The following NKAIN2 variants were observed in gnomAD, a reference collection of about 807,000 sequenced individuals.
NKAIN2 encodes sodium/potassium transporting ATPase interacting 2.
A neutral mutation model predicts 32.6 loss-of-function variants in NKAIN2; 14 were observed. The observed-to-expected ratio is 0.43, with a 90% confidence interval of 0.28 to 0.67. The LOEUF (loss-of-function observed/expected upper bound fraction) is 0.67, where lower values mean the gene tolerates loss of function less well. Ranked by LOEUF, NKAIN2 falls within the 30% of genes least tolerant of loss-of-function variation. NKAIN2 has a pLI of 0.17. For missense variants in NKAIN2, 198 were observed against 258.3 expected (o/e 0.77, Z 1.60); for synonymous variants, 80 against 87.2 (o/e 0.92, Z 0.46).
chr6:124,822,993 G>A (rs1781453358), intron 6 of NKAIN2, among the ~76,000 whole-genome samples: 1 of 152,092 alleles, frequency 6.6e-6, no homozygotes, highest in Admixed American at 6.6e-5. Context: ...ATTCATTTCA[G>A]TTGTCCCTGG....
chr6:124,498,674 T>C (rs1285307552), intron 3 of NKAIN2, among the ~76,000 whole-genome samples: 2 of 152,180 alleles, frequency 1.3e-5, no homozygotes, highest in African/African-American at 4.8e-5. Context: ...AAAATGTGTC[T>C]TCTTGGTGAA....
chr6:124,449,742 G>T (rs9385335), intron 3 of NKAIN2, among the ~76,000 whole-genome samples: 102,929 of 151,944 alleles, frequency 0.68, 37,578 homozygotes, highest in South Asian at 0.81. Flanking sequence ...ATAAAGTTTT[G>T]TTGAAGGCAT....
Position 124,824,772 on chromosome 6 carries a change from T to G in NKAIN2, c.*1543T>G, listed in dbSNP as rs552356806. 1.3e-5 allele frequency: 2 copies of G among 152,196 alleles called. No homozygotes were observed. The highest frequency in any genetic ancestry group is 3.8e-4 in the East Asian group (2 of 5,200). The allele number at this position is 152,196 out of a possible 1,614,324, so 9.4% of individuals were successfully genotyped here. On this transcript the variant is annotated 3_prime_UTR_variant, in exon 7 of 7. Coordinates refer to ENST00000368417, the MANE Select transcript of NKAIN2 (RefSeq NM_001040214.3). ...GCATGGAGCAAGTTTTTTCTTTGATTTCTATGAAGTTTCAGTTATTGGATT... is the reference window on the plus strand; with the variant it reads ...GCATGGAGCAAGTTTTTTCTTTGATGTCTATGAAGTTTCAGTTATTGGATT...
intron 1 of NKAIN2, among the ~76,000 whole-genome samples, chr6:123,904,627 G>A (rs898353149): frequency 6.6e-6 from 1 of 152,220 alleles, no homozygotes; most frequent in Admixed American, 6.5e-5. Context: ...GGGGAAGGGG[G>A]TGAGAAAGAT....
chr6:124,821,179 C>T (rs1399333778), intron 6 of NKAIN2, among the ~76,000 whole-genome samples: 6 of 151,834 alleles, frequency 4.0e-5, no homozygotes, highest in Non-Finnish European at 5.9e-5. Context: ...CCTGTAATCC[C>T]AGTTACTCGG....
At chr6:124,726,901 G>A (rs1223887700) in intron 4 of NKAIN2, among the ~76,000 whole-genome samples, 2 of 121,472 alleles carry the variant, frequency 1.6e-5, no homozygotes, top group South Asian at 3.0e-4. Context: ...CGAGAACTAC[G>A]TGAAGAATGC....
chr6:124,169,659 T>G (rs377278134), intron 1 of NKAIN2, among the ~76,000 whole-genome samples: 1 of 152,188 alleles, frequency 6.6e-6, no homozygotes, highest in African/African-American at 2.4e-5. Flanking sequence ...TCCTTTCCTT[T>G]CTGAGCCATG....
In NKAIN2 at chr6:124,530,667, C is replaced by T. The variant is rs1482191707; in HGVS notation, c.274-127519C>T. On this transcript the variant is annotated intron_variant, in intron 3 of 6. Coordinates refer to ENST00000368417, the MANE Select transcript of NKAIN2 (RefSeq NM_001040214.3). ...CATTTACTCTCTGTAAGCTGGAGAC[C>T]CAGAAAATCTGATAGGTGTAATTTA... Among the ~76,000 whole-genome samples the T allele has an allele frequency of 6.6e-5, 10 of 152,052 alleles. No homozygotes were observed. In the East Asian group the frequency reaches 1.9e-3, roughly 29 times the overall value.
intron 3 of NKAIN2, among the ~76,000 whole-genome samples, chr6:124,571,464 T>C (rs928718951): frequency 6.6e-6 from 1 of 152,160 alleles, no homozygotes; most frequent in African/African-American, 2.4e-5. Flanking sequence ...TGGCGGCCTG[T>C]CTGTCCCCTG....
At chr6:124,789,367 TGTA>T (rs1779644326) in intron 4 of NKAIN2, among the ~76,000 whole-genome samples, 2 of 152,034 alleles carry the variant, frequency 1.3e-5, no homozygotes, top group Admixed American at 6.6e-5. Context: ...TTGATAAACC[TGTA>T]ACATTTAGCC....
intron 1 of NKAIN2, among the ~76,000 whole-genome samples, chr6:123,841,589 C>T (rs1333617472): frequency 1.3e-5 from 2 of 152,130 alleles, no homozygotes; most frequent in African/African-American, 2.4e-5. Flanking sequence ...AGTCTGTACA[C>T]AGTCTAAGGA....
At chr6:124,162,643 T>A (rs1788337639) in intron 1 of NKAIN2, among the ~76,000 whole-genome samples, 1 of 151,926 alleles carries the variant, frequency 6.6e-6, no homozygotes, top group Non-Finnish European at 1.5e-5. Flanking sequence ...TGAATGTTGA[T>A]CACAAACTCA....
Position 124,411,088 on chromosome 6 carries a change from A to G in NKAIN2, c.273+55741A>G, listed in dbSNP as rs565140240. Among the ~76,000 whole-genome samples, 632 of 151,928 alleles carry G rather than the reference A, an allele frequency of 4.2e-3. 1 individual carries two copies. Among genetic ancestry groups the G allele is most frequent in the Non-Finnish European group, 6.7e-3 (458 of 67,952 alleles). Reference sequence around the variant, plus strand: ...GCCTATGTGTGTCTCTGCACGTGAGATGGGTTTCCTGAATACAGCACACTG... The same window carrying G: ...GCCTATGTGTGTCTCTGCACGTGAGGTGGGTTTCCTGAATACAGCACACTG... On this transcript the variant is annotated intron_variant, in intron 3 of 6. Transcript: ENST00000368417.
chr6:124,724,134 G>A (rs552087749), intron 4 of NKAIN2, among the ~76,000 whole-genome samples: 40 of 152,280 alleles, frequency 2.6e-4, no homozygotes, highest in Admixed American at 7.8e-4. Context: ...AGTGGCTGCC[G>A]TTTGTTCCAG....
intron 3 of NKAIN2, among the ~76,000 whole-genome samples, chr6:124,500,311 G>T (rs1189867345): frequency 6.6e-6 from 1 of 151,960 alleles, no homozygotes; most frequent in Non-Finnish European, 1.5e-5. Context: ...GAACAGCAGG[G>T]TATACAAAAA....
intron 5 of NKAIN2, among the ~76,000 whole-genome samples, chr6:124,795,213 G>T (rs181025753): frequency 1.5e-3 from 233 of 152,294 alleles, no homozygotes; most frequent in African/African-American, 5.2e-3. Flanking sequence ...TGCTTAGAAT[G>T]GCTGTGGAGA....
rs999775318 is a variant in NKAIN2 at position 124,721,007 on chromosome 6, G to A, written c.474+62621G>A. Among the ~76,000 whole-genome samples the A allele has an allele frequency of 2.0e-5, 3 of 152,320 alleles. 1 individual carries two copies. Among genetic ancestry groups the A allele is most frequent in the South Asian group, 4.1e-4 (2 of 4,828 alleles). ...CATAGGGGTGTGCAGTACAAAAACAGTGATGTGAACCTCTTTTACATTTGG... is the reference window on the plus strand; with the variant it reads ...CATAGGGGTGTGCAGTACAAAAACAATGATGTGAACCTCTTTTACATTTGG... On this transcript the variant is annotated intron_variant, in intron 4 of 6. Transcript: ENST00000368417.
At chr6:123,961,892 A>C (rs571368311) in intron 1 of NKAIN2, among the ~76,000 whole-genome samples, 1 of 152,174 alleles carries the variant, frequency 6.6e-6, no homozygotes, top group East Asian at 1.9e-4. Context: ...ATCAGAGATA[A>C]ATTTATAGCA....
intron 1 of NKAIN2, among the ~76,000 whole-genome samples, chr6:124,122,258 G>T (rs189108900): frequency 5.3e-5 from 8 of 151,874 alleles, no homozygotes; most frequent in Admixed American, 3.9e-4. Flanking sequence ...TTGAGATCAC[G>T]TAGTATATAT....
Sources: allele counts gnomAD v4.1 joint callset (sites outside exome capture counted in the v4.1 genomes callset), GRCh38; gene constraint gnomAD v4.1.1; transcripts MANE v1.5; gene names NCBI Gene and HGNC (gene_info 2026-07-23, HGNC 2026-07-21).